Variants in CRLF1 observed in about 807,000 individuals in gnomAD.
The protein encoded by CRLF1 is cytokine receptor-like factor 1.
In CRLF1, 36 loss-of-function variants were observed where a neutral mutation model predicts 48.9. The ratio of observed to expected loss-of-function variants is 0.74; its 90% CI spans 0.56 to 0.97. The LOEUF is 0.97. Ranked by LOEUF, CRLF1 falls within the 50% of genes least tolerant of loss-of-function variation. The pLI is 0.00. For synonymous variants in CRLF1, 256 were observed against 253.4 expected (o/e 1.01, Z -0.10); for missense variants, 534 against 575.1 (o/e 0.93, Z 0.73).
chr19:18,597,106 C>G, intron 4 of CRLF1, 57 bp from the exon 5 acceptor site: 1 of 1,565,518 alleles, frequency 6.4e-7, no homozygotes, highest in Non-Finnish European at 8.7e-7. Context: ...TAACTCCCCC[C>G]AGCAGTGTGG....
rs753179302 is a variant in CRLF1 at position 18,598,421 on chromosome 19, T to C, written c.697+11A>G. The C allele has an allele frequency of 6.2e-7, 1 of 1,608,558 alleles. No homozygotes were observed. The highest frequency in any genetic ancestry group is 8.5e-7 in the Non-Finnish European group (1 of 1,176,462). ...GCCGAGGGAGGGGCCTAGCAGACAC[T>C]GGGGGCTCACCCACATCCAGGATAT... On this transcript the variant is annotated intron_variant, in intron 4 of 8. Coordinates refer to ENST00000392386, the MANE Select transcript of CRLF1 (RefSeq NM_004750.5).
chr19:18,596,627 C>G lies in CRLF1; in HGVS notation c.1019G>C (p.Arg340Pro). 1 of 1,613,882 alleles carries G rather than the reference C, an allele frequency of 6.2e-7. No homozygotes were observed. The highest frequency in any genetic ancestry group is 8.5e-7 in the Non-Finnish European group (1 of 1,179,918). Residue 340 changes from arginine to proline, a missense_variant, in exon 6 of 9, where the codon CGC becomes CCC. Around this residue, in one of 2 missense-constraint regions of CRLF1, gnomAD observed 528 missense variants for 555.7 expected, o/e 0.95. Coordinates refer to ENST00000392386, the MANE Select transcript of CRLF1 (RefSeq NM_004750.5). ...WSHPTAASTP[R>P]SERPGPGGGA... ...AGCCCTAGGAGGGTGCTCACCACTG[C>G]GGGGAGTGGAGGCGGCTGTGGGGTG...
chr19:18,593,607 G>A (rs1193265023), intron 8 of CRLF1, 28 bp from the exon 9 acceptor site: 1 of 1,596,596 alleles, frequency 6.3e-7, no homozygotes, highest in African/African-American at 1.3e-5. Flanking sequence ...GCCAAGCTAA[G>A]CAGGGAGTCC....
chr19:18,596,724 A>G lies in CRLF1; in HGVS notation c.922T>C (p.Phe308Leu), dbSNP rs1976139308. Residue 308 changes from phenylalanine (F) to leucine (L), a missense_variant, in exon 6 of 9, where the codon TTC (phenylalanine) becomes CTC (leucine). Around this residue, in one of 2 missense-constraint regions of CRLF1, gnomAD observed 528 missense variants for 555.7 expected, o/e 0.95. Coordinates refer to ENST00000392386, the MANE Select transcript of CRLF1 (RefSeq NM_004750.5). ...LAGLKPGTVY[F>L]VQVRCNPFGI... ...AAGGGGTTGCAGCGCACTTGCACGA[A>G]GTACACGGTGCCGGGTTTCAGGCCG... is the stretch of plus-strand genomic sequence containing the variant. 2 of 1,614,068 alleles carry G rather than the reference A, an allele frequency of 1.2e-6. No individual in the cohort carries two copies. Among genetic ancestry groups the G allele is most frequent in the African/African-American group, 1.3e-5 (1 of 75,004 alleles).
In CRLF1 at chr19:18,593,576, G is replaced by A. The variant is rs1283882273; in HGVS notation, c.1259C>T (p.Pro420Leu). The A allele has an allele frequency of 9.3e-6, 15 of 1,609,350 alleles. No homozygotes were observed. The highest frequency in any genetic ancestry group is 1.3e-5 in the Non-Finnish European group (15 of 1,178,384). Residue 420 changes from proline (P) to leucine (L), a missense_variant, in exon 9 of 9, where the codon CCT (proline) becomes CTT (leucine). Physicochemically the swap from Pro to Leu is moderately conservative, Grantham distance 98. Coordinates refer to ENST00000392386, the MANE Select transcript of CRLF1 (RefSeq NM_004750.5). The stretch of plus-strand genomic sequence containing the variant: ...CTGAGCCCCTACAGCTTATCTGGCA[G>A]GACCTGCAGGCAGAGGGGAAGCCAA... ...PSGRRGTARG[P>L]AR is the part of the protein sequence containing the mutation.
rs200022768 is a variant in CRLF1, at chr19:18,594,360, G to A, written c.1099C>T (p.Leu367Phe). 4.8e-5 allele frequency: 78 copies of A among 1,610,414 alleles called. No homozygotes were observed. The East Asian group carries it at 1.7e-3, about 35-fold the overall frequency. Residue 367 changes from leucine (L) to phenylalanine (F), a missense_variant, in exon 7 of 9, where the codon CTC becomes TTC. Transcript: ENST00000392386. ...EPSSGPVRRE[L>F]KQFLGWLKKH... ...TTGAGCCAGCCCAGGAACTGCTTGAGCTCGCGCCGCACCGGCCCCGAGCTC... is the reference window on the plus strand; with the variant it reads ...TTGAGCCAGCCCAGGAACTGCTTGAACTCGCGCCGCACCGGCCCCGAGCTC...
chr19:18,593,309 C>G lies in CRLF1; in HGVS notation c.*257G>C. On this transcript the variant is annotated 3_prime_UTR_variant, in exon 9 of 9. Transcript: ENST00000392386. ...TAGGTAATGGGGAGTAATGACTCCC[C>G]TTCTCACCCCCAGCCCTGGCAGGGG... 1 of 545,858 alleles carries G rather than the reference C, an allele frequency of 1.8e-6. No individual in the cohort carries two copies. Among genetic ancestry groups the G allele is most frequent in the Non-Finnish European group, 3.3e-6 (1 of 302,476 alleles). 33.8% of individuals were successfully genotyped at this position (545,858 alleles called of 1,614,324 possible).
At position 18,594,218 on chromosome 19, in the gene CRLF1, C is replaced by T. The variant is rs373568214; in HGVS notation, c.1212+29G>A. ...GGCCCCCCCAGCTCCCTGTCCCCACCCCCACGCCCGAGGGTCCCTCCTTCC... is the reference window on the plus strand; with the variant it reads ...GGCCCCCCCAGCTCCCTGTCCCCACTCCCACGCCCGAGGGTCCCTCCTTCC... On this transcript the variant is annotated intron_variant, in intron 7 of 8. Coordinates refer to ENST00000392386, the MANE Select transcript of CRLF1 (RefSeq NM_004750.5). The T allele has an allele frequency of 1.9e-5, 31 of 1,612,370 alleles. No individual in the cohort carries two copies. In the African/African-American group the frequency reaches 3.7e-4, roughly 19 times the overall value.
At chr19:18,602,811 A>ATTTTTTTT (rs1976237196) in intron 1 of CRLF1, among the ~76,000 whole-genome samples, 1 of 145,276 alleles carries the variant, frequency 6.9e-6, no homozygotes, top group Non-Finnish European at 1.5e-5. Context: ...ACAGAGTCTC[A>ATTTTTTTT]CTCTGTCACC....
Position 18,596,954 on chromosome 19 carries a change from C to T in CRLF1, c.793G>A (p.Asp265Asn). 6.2e-7 allele frequency: 1 copy of T among 1,614,080 alleles called. No homozygotes were observed. The highest frequency in any genetic ancestry group is 8.5e-7 in the Non-Finnish European group (1 of 1,180,024). ...VRWVSPPALK[D>N]FLFQAKYQIR... ...TGGTATTTGGCTTGAAAGAGGAAAT[C>T]CTTGAGGGCGGGTGGCGACACCCAG... Residue 265 changes from aspartate to asparagine, a missense_variant, in exon 5 of 9, where the codon GAT becomes AAT. This residue lies in a region of CRLF1 where 528 missense variants were observed against 555.7 expected (regional missense o/e 0.95). Transcript: ENST00000392386.
At position 18,593,465 on chromosome 19, in the gene CRLF1, G is replaced by T; in HGVS notation, c.*101C>A. On this transcript the variant is annotated 3_prime_UTR_variant, in exon 9 of 9. Transcript: ENST00000392386. ...GGGGCCACCCCAGCTCCTGCTGAGG[G>T]TGGCTCAGGTGCCCTGAAGTGAGGG... The T allele has an allele frequency of 5.2e-6, 8 of 1,535,330 alleles. No individual in the cohort carries two copies. Among genetic ancestry groups the T allele is most frequent in the Non-Finnish European group, 7.1e-6 (8 of 1,127,458 alleles).
intron 6 of CRLF1, among the ~76,000 whole-genome samples, chr19:18,595,906 C>T (rs1184531232): frequency 6.6e-6 from 1 of 152,142 alleles, no homozygotes; most frequent in Non-Finnish European, 1.5e-5. Flanking sequence ...AGCCCATTGG[C>T]CTTAGAAGCA....
Position 18,596,686 on chromosome 19 carries a change from G to T in CRLF1, c.960C>A (p.Gly320=), listed in dbSNP as rs755980118. 1 of 1,614,114 alleles carries T rather than the reference G, an allele frequency of 6.2e-7. No homozygotes were observed. The highest frequency in any genetic ancestry group is 1.3e-5 in the African/African-American group (1 of 75,056). Reference sequence around the variant, plus strand: ...CACTCCAGATCCCGGCTTTCTTGGAGCCATAGATGCCAAAGGGGTTGCAGC... The same window carrying T: ...CACTCCAGATCCCGGCTTTCTTGGATCCATAGATGCCAAAGGGGTTGCAGC... The part of the protein sequence containing the change: ...QVRCNPFGIY[G]SKKAGIWSEW... The change falls in exon 6 of 9, where the codon GGC becomes GGA. Residue 320 remains glycine, a synonymous_variant. Coordinates refer to ENST00000392386, the MANE Select transcript of CRLF1 (RefSeq NM_004750.5).
intron 6 of CRLF1, among the ~76,000 whole-genome samples, chr19:18,596,238 T>A (rs8107912): frequency 6.6e-6 from 1 of 151,894 alleles, no homozygotes; most frequent in African/African-American, 2.4e-5. Context: ...TCTACTCTCT[T>A]GGAGACAATC....
Position 18,593,534 on chromosome 19 carries a change from G to A in CRLF1, c.*32C>T, listed in dbSNP as rs370205810. ...TTGGGTTCGGCCTCTGCGTCTCCAC[G>A]TGGCAGGGAGGGTGGCCTGAGCCCC... On this transcript the variant is annotated 3_prime_UTR_variant, in exon 9 of 9. Transcript: ENST00000392386. 58 of 1,610,152 alleles carry A rather than the reference G, an allele frequency of 3.6e-5. No homozygotes were observed. Among genetic ancestry groups the A allele is most frequent in the Non-Finnish European group, 4.8e-5 (56 of 1,178,774 alleles).
chr19:18,599,401 C>T (rs918735975), intron 2 of CRLF1, among the ~76,000 whole-genome samples, 164 bp downstream of exon 2: 1 of 152,210 alleles, frequency 6.6e-6, no homozygotes, highest in African/African-American at 2.4e-5. Flanking sequence ...CCACCTTGCC[C>T]GACCGGGTCT....
intron 1 of CRLF1, among the ~76,000 whole-genome samples, chr19:18,603,740 T>C (rs903553223): frequency 3.3e-5 from 5 of 152,056 alleles, no homozygotes; most frequent in Admixed American, 6.5e-5. Flanking sequence ...CTGATGATTT[T>C]CCGGGGCAAA....
At chr19:18,605,350 C>T (rs971141812) in intron 1 of CRLF1, among the ~76,000 whole-genome samples, 1 of 152,198 alleles carries the variant, frequency 6.6e-6, no homozygotes, top group Non-Finnish European at 1.5e-5. Flanking sequence ...TGCCCCTTCC[C>T]GGAGGAGCCC....
chr19:18,600,243 G>C (rs1194583962), intron 1 of CRLF1, among the ~76,000 whole-genome samples: 1 of 152,134 alleles, frequency 6.6e-6, no homozygotes, highest in Non-Finnish European at 1.5e-5. Flanking sequence ...CTGTCGCCCA[G>C]GCTGGAGTGC....
Sources: gnomAD v4.1 joint callset for allele counts (sites outside exome capture counted in the v4.1 genomes callset) on GRCh38, gnomAD v4.1.1 for gene constraint, gnomAD v4.1.1 regional missense constraint, MANE v1.5 for transcripts, NCBI Gene and HGNC (gene_info 2026-07-23, HGNC 2026-07-21) for gene names.